The following MYO1H variants were observed in gnomAD, a reference collection of about 807,000 sequenced individuals.
The protein encoded by MYO1H is unconventional myosin-Ih.
In MYO1H, 118 loss-of-function variants were observed where a neutral mutation model predicts 149.3. That is an observed-to-expected ratio of 0.79 (90% confidence interval 0.68 to 0.92). The LOEUF (loss-of-function observed/expected upper bound fraction) is 0.92, where lower values mean the gene tolerates loss of function less well. Among genes scored for constraint, MYO1H ranks in the 40% least tolerant of loss-of-function variants. The pLI is 0.00. For missense variants in MYO1H, 1,212 were observed against 1,280.7 expected, an observed-to-expected ratio of 0.95 and a Z score of 0.82; for synonymous variants, 447 against 465.2, an observed-to-expected ratio of 0.96 and a Z score of 0.50.
chr12:109,427,746 C>T (rs1871412143), intron 19 of MYO1H, among the ~76,000 whole-genome samples, 160 bp downstream of exon 19: 2 of 149,166 alleles, frequency 1.3e-5, no homozygotes, highest in South Asian at 4.3e-4. Flanking sequence ...TTTGGGAGAA[C>T]ATAAAAACCC....
chr12:109,388,665 A>G lies in MYO1H; in HGVS notation c.13-18A>G. ...TACCAAATAGATGAGCTGCTGAAGA[A>G]TGTTCTATTTCCCGTAGAAAGAAGA... On this transcript the variant is annotated intron_variant, in intron 1 of 31. Coordinates refer to ENST00000310903, the Ensembl canonical transcript of MYO1H. 1 of 1,533,670 alleles carries G rather than the reference A, an allele frequency of 6.5e-7. No individual in the cohort carries two copies. Among genetic ancestry groups the G allele is most frequent in the Non-Finnish European group, 8.8e-7 (1 of 1,135,374 alleles).
At chr12:109,325,163 C>T in the MYO1H span, among the ~76,000 whole-genome samples, 91,721 of 152,024 alleles carry the variant, frequency 0.6, 28,989 homozygotes, top group African/African-American at 0.78. Context: ...CTATTGTAAA[C>T]AGTGCTGCAA....
chr12:109,445,619 G>A lies in MYO1H; in HGVS notation c.3093+7G>A. The A allele has an allele frequency of 1.9e-6, 3 of 1,606,862 alleles. No homozygotes were observed. The highest frequency in any genetic ancestry group is 1.7e-4 in the Middle Eastern group (1 of 6,030). ...AAATGGACAATTAACAGTGGTGAGTGGCCGTCTCTGGGAGGGAAGTAAGCC... is the reference window on the plus strand; with the variant it reads ...AAATGGACAATTAACAGTGGTGAGTAGCCGTCTCTGGGAGGGAAGTAAGCC... On this transcript the variant is annotated splice_region_variant and intron_variant, in intron 31 of 31. Transcript: ENST00000310903.
At chr12:109,374,493 T>C (rs1869051303) in intron 1 of MYO1H, among the ~76,000 whole-genome samples, 1 of 152,252 alleles carries the variant, frequency 6.6e-6, no homozygotes, top group Non-Finnish European at 1.5e-5. Context: ...ACTATACCAC[T>C]GTGCAATCAT....
At chr12:109,337,489 A>C in the MYO1H span, among the ~76,000 whole-genome samples, 2 of 152,310 alleles carry the variant, frequency 1.3e-5, no homozygotes, top group Admixed American at 1.3e-4. Flanking sequence ...GGGAGGCCTC[A>C]CAATAGGGGT....
At chr12:109,383,434 T>C (rs1476688330) in intron 1 of MYO1H, among the ~76,000 whole-genome samples, 1 of 152,222 alleles carries the variant, frequency 6.6e-6, no homozygotes, top group Non-Finnish European at 1.5e-5. Flanking sequence ...AGTCTTCAGC[T>C]ACAATAACAA....
rs999685207 is a variant in MYO1H, at chr12:109,410,060, G to A, written c.1321G>A (p.Gly441Ser). The stretch of plus-strand genomic sequence containing the variant: ...AGAACAGGCAGAATATGAAATGGAA[G>A]GCATAGAGGTAAACATTTTGATGTT... Residue 441 changes from glycine to serine, a missense_variant, in exon 12 of 32, where the codon GGC becomes AGC. Gly to Ser is a moderately conservative substitution (Grantham distance 56). Transcript: ENST00000310903. 7 of 1,496,746 alleles carry A rather than the reference G, an allele frequency of 4.7e-6. No homozygotes were observed. In the African/African-American group the frequency reaches 8.4e-5, roughly 18 times the overall value. 92.7% of individuals were successfully genotyped at this position (1,496,746 alleles called of 1,614,324 possible). A position where few individuals can be genotyped will look rare whatever the true frequency, so the allele number is the denominator to read the frequency against.
intron 1 of MYO1H, among the ~76,000 whole-genome samples, chr12:109,378,006 A>G (rs1869119139): frequency 6.6e-6 from 1 of 152,240 alleles, no homozygotes; most frequent in South Asian, 2.1e-4. Flanking sequence ...TTTTAAAAAC[A>G]TAACCACTAT....
At chr12:109,327,235 C>A in the MYO1H span, among the ~76,000 whole-genome samples, 1 of 148,262 alleles carries the variant, frequency 6.7e-6, no homozygotes, top group Non-Finnish European at 1.5e-5. Flanking sequence ...TGGGTTCAAG[C>A]AATTCTCTGC....
At chr12:109,406,327 G>A (rs541369140) in intron 8 of MYO1H, among the ~76,000 whole-genome samples, 37 of 152,120 alleles carry the variant, frequency 2.4e-4, no homozygotes, top group South Asian at 1.5e-3. Flanking sequence ...TAGGCCGGGC[G>A]CAATGGCTCA....
chr12:109,444,380 T>C lies in MYO1H; in HGVS notation c.2896-52T>C, dbSNP rs373706365. ...TGAAACTTCTCTATTGGAGTGTCTG[T>C]TTCTTTAAGCTGTGAATACTGAAAT... On this transcript the variant is annotated intron_variant, in intron 29 of 31. Transcript: ENST00000310903. 3.2e-6 allele frequency: 5 copies of C among 1,583,116 alleles called. No individual in the cohort carries two copies. In the African/African-American group the frequency reaches 4.0e-5, roughly 13 times the overall value.
At chr12:109,435,858 C>T (rs1238292969) in intron 21 of MYO1H, among the ~76,000 whole-genome samples, 1 of 152,206 alleles carries the variant, frequency 6.6e-6, no homozygotes, top group Non-Finnish European at 1.5e-5. Flanking sequence ...TTCTGACCTC[C>T]GTAGCAGTGG....
the MYO1H span, among the ~76,000 whole-genome samples, chr12:109,325,789 CATTT>C: frequency 6.6e-6 from 1 of 152,188 alleles, no homozygotes; most frequent in Non-Finnish European, 1.5e-5. Context: ...CAAAAGAAGA[CATTT>C]ATGCGGCCAA....
the MYO1H span, among the ~76,000 whole-genome samples, chr12:109,319,538 G>A: frequency 1.3e-5 from 2 of 152,202 alleles, no homozygotes; most frequent in Admixed American, 1.3e-4. Context: ...TGTACACTTA[G>A]AATGGGTTAG....
chr12:109,440,169 G>A (rs563725070), intron 24 of MYO1H, among the ~76,000 whole-genome samples: 1 of 151,902 alleles, frequency 6.6e-6, no homozygotes, highest in Non-Finnish European at 1.5e-5. Flanking sequence ...CTGAATAACT[G>A]AGATTACAGG....
At chr12:109,445,989 A>C in intron 31 of MYO1H, 3 of 985,434 alleles carry the variant, frequency 3.0e-6, no homozygotes, top group Non-Finnish European at 2.4e-6. Context: ...CCAGATACTG[A>C]GACTTAATTG....
At chr12:109,357,555 T>C (rs1006929274) in intron 1 of MYO1H, among the ~76,000 whole-genome samples, 2 of 152,260 alleles carry the variant, frequency 1.3e-5, no homozygotes, top group African/African-American at 4.8e-5. Context: ...TAGGCAAACA[T>C]AAATGTGTCT....
intron 7 of MYO1H, 62 bp from the exon 8 acceptor site, chr12:109,405,860 G>T (rs1870357135): frequency 8.5e-7 from 1 of 1,171,482 alleles, no homozygotes; most frequent in Non-Finnish European, 1.3e-6. Flanking sequence ...TATCAATTAG[G>T]CGGCCACCGT....
chr12:109,427,897 AAAAAAAAAAAAAAT>A (rs1213275792), intron 19 of MYO1H, among the ~76,000 whole-genome samples: 100 of 51,726 alleles, frequency 1.9e-3, no homozygotes, highest in African/African-American at 8.0e-3. Flanking sequence ...AAAAAAAAAA[AAAAAAAAAAAAAAT>A]ATATATATAT....
Sources: gnomAD v4.1 joint callset for allele counts (sites outside exome capture counted in the v4.1 genomes callset) on GRCh38, gnomAD v4.1.1 for gene constraint, MANE v1.5 for transcripts, NCBI Gene and HGNC (gene_info 2026-07-23, HGNC 2026-07-21) for gene names.